Variants in POU2F1 observed in about 807,000 individuals in gnomAD.
The protein encoded by POU2F1 is POU class 2 homeobox 1, also known as POU domain, class 2, transcription factor 1.
POU2F1 carries 16 observed loss-of-function variants against 84.9 expected under a neutral mutation model. The ratio of observed to expected loss-of-function variants is 0.19; its 90% CI spans 0.13 to 0.29. POU2F1 has a LOEUF of 0.29. Among genes scored for constraint, POU2F1 ranks in the 10% least tolerant of loss-of-function variants. The pLI is 1.00. For missense variants in POU2F1, 738 were observed against 942.6 expected (o/e 0.78, Z 2.84); for synonymous variants, 368 against 368.3 (o/e 1.00, Z 0.01).
intron 1 of POU2F1, among the ~76,000 whole-genome samples, chr1:167,233,402 T>C (rs999802134): frequency 1.3e-5 from 2 of 151,864 alleles, no homozygotes; most frequent in African/African-American, 4.8e-5. Context: ...CCTCCCAAAG[T>C]GCTGGGATTA....
chr1:167,277,807 C>G (rs1485927060), intron 1 of POU2F1, among the ~76,000 whole-genome samples: 1 of 152,196 alleles, frequency 6.6e-6, no homozygotes, highest in Admixed American at 6.5e-5. Context: ...AAGTTAAAGA[C>G]TTAGGAGTAA....
intron 7 of POU2F1, among the ~76,000 whole-genome samples, chr1:167,378,542 G>T (rs1295473233): frequency 2.0e-5 from 3 of 151,694 alleles, no homozygotes; most frequent in African/African-American, 7.3e-5. Flanking sequence ...GAGTAGCTGG[G>T]ATTATAGGCG....
At chr1:167,388,194 T>C (rs1043968774) in intron 8 of POU2F1, among the ~76,000 whole-genome samples, 4 of 152,194 alleles carry the variant, frequency 2.6e-5, no homozygotes, top group African/African-American at 9.6e-5. Flanking sequence ...CCAATTCACA[T>C]TCAAAGAAAT....
intron 2 of POU2F1, among the ~76,000 whole-genome samples, chr1:167,361,257 T>C (rs1383341876): frequency 6.6e-6 from 1 of 152,210 alleles, no homozygotes; most frequent in African/African-American, 2.4e-5. Flanking sequence ...TGCCTTGTTC[T>C]TAGGGGAAAT....
At chr1:167,377,312 C>T (rs979889988) in intron 7 of POU2F1, among the ~76,000 whole-genome samples, 8 of 152,118 alleles carry the variant, frequency 5.3e-5, no homozygotes, top group African/African-American at 1.9e-4. Context: ...AATGGCCAGG[C>T]GTGGTGGCTG....
chr1:167,414,568 G>T, intron 15 of POU2F1: 6 of 985,424 alleles, frequency 6.1e-6, no homozygotes, highest in Non-Finnish European at 7.2e-6. Flanking sequence ...CAGACAACAG[G>T]TTGAGATACT....
chr1:167,341,844 C>A (rs775073838), intron 2 of POU2F1, among the ~76,000 whole-genome samples: 6 of 151,996 alleles, frequency 3.9e-5, no homozygotes, highest in Non-Finnish European at 8.8e-5. Context: ...TTTTGTTGAG[C>A]GGTGGAGGTG....
intron 1 of POU2F1, among the ~76,000 whole-genome samples, chr1:167,225,039 G>A (rs982026425): frequency 7.2e-5 from 11 of 151,944 alleles, no homozygotes; most frequent in African/African-American, 2.7e-4. Flanking sequence ...GTGTTGGCCA[G>A]GCTGGTCTCG....
intron 2 of POU2F1, among the ~76,000 whole-genome samples, chr1:167,346,765 T>C (rs567396189): frequency 6.6e-6 from 1 of 152,318 alleles, no homozygotes; most frequent in Admixed American, 6.5e-5. Flanking sequence ...TTGGCACCAG[T>C]CTTCAACCCA....
At chr1:167,401,594 G>A (rs868153122) in intron 13 of POU2F1, 38 bp downstream of exon 13, 2 of 1,444,258 alleles carry the variant, frequency 1.4e-6, no homozygotes, top group African/African-American at 1.4e-5. Flanking sequence ...CTGAGCACAT[G>A]GGAGGCCCGT....
Position 167,373,684 on chromosome 1 carries a change from C to T in POU2F1, c.403-424C>T, listed in dbSNP as rs942943888. Among the ~76,000 whole-genome samples the T allele has an allele frequency of 2.0e-5, 3 of 152,202 alleles. No homozygotes were observed. In the South Asian group the frequency reaches 6.2e-4, roughly 31 times the overall value. On this transcript the variant is annotated intron_variant, in intron 5 of 15. Coordinates refer to ENST00000367866, the MANE Select transcript of POU2F1 (RefSeq NM_002697.4). ...GAAATGATGGAATATGGCAGGGATT[C>T]ATGCTAATGGGAAGCAGCTGGGCCT...
chr1:167,296,323 C>A (rs1229183156), intron 1 of POU2F1, among the ~76,000 whole-genome samples: 1 of 152,148 alleles, frequency 6.6e-6, no homozygotes, highest in African/African-American at 2.4e-5. Flanking sequence ...CATATTGTAA[C>A]ACATCTTTAT....
chr1:167,354,840 T>G (rs567785196), intron 2 of POU2F1, among the ~76,000 whole-genome samples: 1 of 152,190 alleles, frequency 6.6e-6, no homozygotes, highest in Non-Finnish European at 1.5e-5. Context: ...CTTTGTTAAA[T>G]TCCTGTTCAT....
At chr1:167,396,172 C>T (rs12758211) in intron 9 of POU2F1, 114 bp from the exon 10 acceptor site, 42,893 of 1,228,758 alleles carry the variant, frequency 0.035, 3,012 homozygotes, top group African/African-American at 0.28. Context: ...GGAATAATTA[C>T]TGACTCCTTG....
chr1:167,224,523 A>C (rs1648477268), intron 1 of POU2F1, among the ~76,000 whole-genome samples: 1 of 152,164 alleles, frequency 6.6e-6, no homozygotes, highest in Non-Finnish European at 1.5e-5. Context: ...TTTTGTTTTG[A>C]TTAGTGATTT....
At chr1:167,294,482 A>T (rs572502373) in intron 1 of POU2F1, among the ~76,000 whole-genome samples, 93 of 152,360 alleles carry the variant, frequency 6.1e-4, no homozygotes, top group South Asian at 3.1e-3. Flanking sequence ...TACACAGACA[A>T]CCCACAAAGT....
At chr1:167,258,366 G>A (rs1476354409) in intron 1 of POU2F1, among the ~76,000 whole-genome samples, 3 of 152,154 alleles carry the variant, frequency 2.0e-5, no homozygotes, top group South Asian at 2.1e-4. Context: ...CACTGTATGC[G>A]ATCCTTAGCA....
At chr1:167,226,603 C>T (rs568238218) in intron 1 of POU2F1, among the ~76,000 whole-genome samples, 49 of 152,306 alleles carry the variant, frequency 3.2e-4, no homozygotes, top group African/African-American at 1.2e-3. Flanking sequence ...TATTGCCTGA[C>T]TTACTTGATC....
At chr1:167,282,332 G>A (rs1210731081) in intron 1 of POU2F1, among the ~76,000 whole-genome samples, 3 of 151,804 alleles carry the variant, frequency 2.0e-5, no homozygotes, top group African/African-American at 7.3e-5. Context: ...TTTTAGTAGA[G>A]ATGGGGTTTC....
Sources: allele counts gnomAD v4.1 joint callset (sites outside exome capture counted in the v4.1 genomes callset), GRCh38; gene constraint gnomAD v4.1.1; transcripts MANE v1.5; gene names NCBI Gene and HGNC (gene_info 2026-07-23, HGNC 2026-07-21).